STXBP6: variants seen among roughly 807,000 people sequenced by gnomAD.
STXBP6 encodes syntaxin-binding protein 6.
Under a neutral mutation model 26.9 loss-of-function variants are expected in STXBP6, and 21 were observed. The ratio of observed to expected loss-of-function variants is 0.78; its 90% CI spans 0.55 to 1.12. STXBP6 has a LOEUF of 1.12. Ranked by LOEUF, STXBP6 falls within the 50% of genes most tolerant of loss-of-function variation. STXBP6 has a pLI of 0.00. For synonymous variants in STXBP6, 97 were observed against 92.6 expected (o/e 1.05, Z -0.27); for missense variants, 232 against 257.9 (o/e 0.90, Z 0.69).
At chr14:25,024,007 A>G (rs1419206117) in intron 1 of STXBP6, among the ~76,000 whole-genome samples, 1 of 152,096 alleles carries the variant, frequency 6.6e-6, no homozygotes, top group African/African-American at 2.4e-5. Flanking sequence ...ATAACAAACA[A>G]TGTACTATAA....
chr14:24,987,009 A>C (rs2074349559), intron 1 of STXBP6, among the ~76,000 whole-genome samples: 1 of 152,192 alleles, frequency 6.6e-6, no homozygotes, highest in African/African-American at 2.4e-5. Flanking sequence ...CTTTTTAATC[A>C]GCATGTTCCA....
chr14:25,004,609 T>C (rs2074846785), intron 1 of STXBP6, among the ~76,000 whole-genome samples: 1 of 152,194 alleles, frequency 6.6e-6, no homozygotes. Context: ...TTGGTTCCAG[T>C]GGGAGTCCCA....
intron 2 of STXBP6, among the ~76,000 whole-genome samples, chr14:24,931,996 C>T (rs755042485): frequency 2.6e-5 from 4 of 151,692 alleles, no homozygotes; most frequent in Admixed American, 6.6e-5. Context: ...GCCCATAAGG[C>T]GATAAAGGGT....
At position 24,948,341 on chromosome 14, in the gene STXBP6, G is replaced by A. The variant is rs182129968; in HGVS notation, c.154+26324C>T. On this transcript the variant is annotated intron_variant, in intron 2 of 5. Coordinates refer to ENST00000323944, the MANE Select transcript of STXBP6 (RefSeq NM_001394410.1). Reference sequence around the variant, plus strand: ...AAACCTTGACTTTATGCTCTTTATGGACACTTTTCACCTGCCTAAGTGCAG... The same window carrying A: ...AAACCTTGACTTTATGCTCTTTATGAACACTTTTCACCTGCCTAAGTGCAG... 2.8e-3 allele frequency among the ~76,000 whole-genome samples: 249 copies of A among 89,362 alleles called. 1 individual carries two copies. Among genetic ancestry groups the A allele is most frequent in the South Asian group, 0.027 (65 of 2,402 alleles). 58.6% of individuals were successfully genotyped at this position (89,362 alleles called of 152,430 possible).
intron 1 of STXBP6, among the ~76,000 whole-genome samples, chr14:25,002,641 G>C (rs2074791852): frequency 6.6e-6 from 1 of 152,012 alleles, no homozygotes; most frequent in South Asian, 2.1e-4. Context: ...TTACAGGTGT[G>C]AGCCACCATG....
chr14:24,824,523 T>C (rs992137493), intron 4 of STXBP6, among the ~76,000 whole-genome samples: 2 of 152,240 alleles, frequency 1.3e-5, no homozygotes, highest in African/African-American at 4.8e-5. Context: ...TAATTATCTG[T>C]GAATTTAGGC....
At chr14:24,985,722 A>G (rs1277142799) in intron 1 of STXBP6, among the ~76,000 whole-genome samples, 2 of 152,244 alleles carry the variant, frequency 1.3e-5, no homozygotes, top group Non-Finnish European at 2.9e-5. Context: ...CAAATAAGCT[A>G]ACCAACCACA....
At chr14:25,040,564 T>A (rs950230967) in intron 1 of STXBP6, among the ~76,000 whole-genome samples, 1 of 152,228 alleles carries the variant, frequency 6.6e-6, no homozygotes, top group African/African-American at 2.4e-5. Context: ...TATGTTAGCA[T>A]ATGATAATGT....
intron 2 of STXBP6, among the ~76,000 whole-genome samples, chr14:24,964,719 C>T (rs1428228097): frequency 6.7e-6 from 1 of 148,896 alleles, no homozygotes; most frequent in Admixed American, 6.7e-5. Context: ...GCTGGAGAAA[C>T]AAGAACCTGA....
At chr14:24,833,389 A>G (rs2068515233) in intron 4 of STXBP6, among the ~76,000 whole-genome samples, 1 of 152,192 alleles carries the variant, frequency 6.6e-6, no homozygotes, top group Non-Finnish European at 1.5e-5. Context: ...ATGCATCAAA[A>G]TTGTTGGTTG....
intron 2 of STXBP6, chr14:24,878,531 T>C (rs2070231231): frequency 6.5e-6 from 1 of 154,762 alleles, no homozygotes; most frequent in African/African-American, 2.4e-5. Flanking sequence ...TGACCACAAA[T>C]TTCACATGTG....
At position 24,891,193 on chromosome 14, in the gene STXBP6, TAGG is replaced by T. The variant is rs891121817; in HGVS notation, c.155-34039_155-34037del. ...ATGCAAACAAGGCCTGAAAACAAAT[TAGG>T]AGAAGAAACTGCTTCCACAAACCGT... On this transcript the variant is annotated intron_variant, in intron 2 of 5. Coordinates refer to ENST00000323944, the MANE Select transcript of STXBP6 (RefSeq NM_001394410.1). Among the ~76,000 whole-genome samples, 8 of 152,096 alleles carry T rather than the reference TAGG, an allele frequency of 5.3e-5. 2 individuals are homozygous for T. Among genetic ancestry groups the T allele is most frequent in the Admixed American group, 3.9e-4 (6 of 15,254 alleles).
chr14:25,046,073 A>C (rs1482474692), intron 1 of STXBP6, among the ~76,000 whole-genome samples: 1 of 152,336 alleles, frequency 6.6e-6, no homozygotes, highest in South Asian at 2.1e-4. Flanking sequence ...TCTGTGACTC[A>C]GTAATAACAG....
intron 1 of STXBP6, among the ~76,000 whole-genome samples, chr14:25,044,632 T>C (rs2075698143): frequency 6.6e-6 from 1 of 152,246 alleles, no homozygotes; most frequent in Non-Finnish European, 1.5e-5. Context: ...TGTTTTGTTT[T>C]TGGGACAGGA....
chr14:24,899,408 T>C lies in STXBP6; in HGVS notation c.155-42251A>G, dbSNP rs1213562057. Among the ~76,000 whole-genome samples the C allele has an allele frequency of 5.3e-5, 8 of 152,316 alleles. No homozygotes were observed. The East Asian group carries it at 1.5e-3, about 29-fold the overall frequency. ...GCCAGGAGAAATTAGGAGTGCTTTTTTCCTTCACCAAGTAACAATTAGAAT... is the reference window on the plus strand; with the variant it reads ...GCCAGGAGAAATTAGGAGTGCTTTTCTCCTTCACCAAGTAACAATTAGAAT... On this transcript the variant is annotated intron_variant, in intron 2 of 5. Coordinates refer to ENST00000323944, the MANE Select transcript of STXBP6 (RefSeq NM_001394410.1).
intron 1 of STXBP6, among the ~76,000 whole-genome samples, chr14:24,998,130 C>T (rs989732601): frequency 3.9e-5 from 6 of 152,056 alleles, no homozygotes; most frequent in African/African-American, 1.2e-4. Context: ...TAACCCTCTA[C>T]CCCTAGTGTG....
intron 1 of STXBP6, among the ~76,000 whole-genome samples, chr14:25,002,359 C>CTTATTTTTTTTTTTTTTTTTTT (rs2074780569): frequency 8.2e-6 from 1 of 121,356 alleles, no homozygotes; most frequent in Non-Finnish European, 1.7e-5. Flanking sequence ...ATTCTTATGA[C>CTTATTTTTTTTTTTTTTTTTTT]TTTTTTTTTT....
chr14:25,000,876 A>G (rs899384175), intron 1 of STXBP6, among the ~76,000 whole-genome samples: 1 of 151,472 alleles, frequency 6.6e-6, no homozygotes, highest in Non-Finnish European at 1.5e-5. Flanking sequence ...CTTTTTGTCC[A>G]GTTTTATTTT....
intron 2 of STXBP6, among the ~76,000 whole-genome samples, chr14:24,880,944 T>A (rs749301423): frequency 2.0e-5 from 3 of 152,208 alleles, no homozygotes; most frequent in Non-Finnish European, 4.4e-5. Flanking sequence ...AACTGTGTTT[T>A]CTCATTGTTT....
Sources: gnomAD v4.1 joint callset for allele counts (sites outside exome capture counted in the v4.1 genomes callset) on GRCh38, gnomAD v4.1.1 for gene constraint, MANE v1.5 for transcripts, NCBI Gene and HGNC (gene_info 2026-07-23, HGNC 2026-07-21) for gene names.